The following PDE4D variants were observed in gnomAD, a reference collection of about 807,000 sequenced individuals.
PDE4D encodes phosphodiesterase 4D.
A neutral mutation model predicts 87.4 loss-of-function variants in PDE4D; 24 were observed. That is an observed-to-expected ratio of 0.27 (90% CI 0.20 to 0.39). The LOEUF (loss-of-function observed/expected upper bound fraction) is 0.39. PDE4D is among the 10% of genes least tolerant of loss of function. The pLI is 1.00. For synonymous variants in PDE4D, 384 were observed against 383.2 expected (o/e 1.00, Z -0.02); for missense variants, 714 against 1,041.0 (o/e 0.69, Z 4.32).
At chr5:59,698,306 C>T (rs1327887906) in intron 1 of PDE4D, among the ~76,000 whole-genome samples, 2 of 151,976 alleles carry the variant, frequency 1.3e-5, no homozygotes, top group African/African-American at 2.4e-5. Context: ...GTGTTGAAGG[C>T]GAGGGAAATG....
chr5:60,183,581 A>G (rs965544342), intron 2 of PDE4D, among the ~76,000 whole-genome samples: 15 of 152,198 alleles, frequency 9.9e-5, no homozygotes, highest in Non-Finnish European at 2.1e-4. Context: ...AATTTTCACA[A>G]TGAAAGATGC....
At chr5:59,270,357 T>C (rs1343433652) in intron 1 of PDE4D, among the ~76,000 whole-genome samples, 7 of 152,136 alleles carry the variant, frequency 4.6e-5, no homozygotes. Context: ...GGAAGGAAGA[T>C]TGCATATTTT....
chr5:59,934,464 A>G, intron 3 of PDE4D, among the ~76,000 whole-genome samples: 1 of 152,212 alleles, frequency 6.6e-6, no homozygotes, highest in East Asian at 1.9e-4. Context: ...TGCTTCTGCT[A>G]TAATTGCCCT....
At chr5:59,700,777 A>C (rs298091) in intron 1 of PDE4D, among the ~76,000 whole-genome samples, 1 of 151,856 alleles carries the variant, frequency 6.6e-6, no homozygotes, top group Non-Finnish European at 1.5e-5. Flanking sequence ...TTGCATTCAG[A>C]TCACATGCCA....
intron 11 of PDE4D, 49 bp from the exon 12 acceptor site, chr5:58,977,394 G>C: frequency 6.5e-7 from 1 of 1,543,452 alleles, no homozygotes; most frequent in Non-Finnish European, 8.8e-7. Flanking sequence ...TTTGTGAGAA[G>C]TTTATCTGAT....
chr5:59,343,955 C>T (rs1561998515), intron 1 of PDE4D, among the ~76,000 whole-genome samples: 1 of 151,922 alleles, frequency 6.6e-6, no homozygotes, highest in Non-Finnish European at 1.5e-5. Context: ...TTGAATGCAA[C>T]CTAACAAAAT....
intron 1 of PDE4D, among the ~76,000 whole-genome samples, chr5:60,319,895 TG>T (rs959003287): frequency 6.6e-6 from 1 of 152,174 alleles, no homozygotes; most frequent in Non-Finnish European, 1.5e-5. Flanking sequence ...CTGCCCCTAC[TG>T]GGGGGTACCT....
Position 59,893,267 on chromosome 5 carries a change from C to G in PDE4D, c.356G>C (p.Arg119Pro), listed in dbSNP as rs1277006573. 13 of 1,551,280 alleles carry G rather than the reference C, an allele frequency of 8.4e-6. No individual in the cohort carries two copies. In the African/African-American group the frequency reaches 1.5e-4, roughly 18 times the overall value. ...YSDTERYLYC[R>P]AMDRTSYAVE... Reference sequence around the variant, plus strand: ...CGCGTAGGAGGTGCGGTCCATGGCGCGACAGTACAGGTAGCGCTCGGTGTC... The same window carrying G: ...CGCGTAGGAGGTGCGGTCCATGGCGGGACAGTACAGGTAGCGCTCGGTGTC... The change falls in exon 1 of 15, where the codon CGC (arginine) becomes CCC (proline). Residue 119 changes from arginine to proline, a missense_variant. By Grantham distance (103) the Arg-to-Pro change is moderately radical. This residue lies in a region of PDE4D where 268 missense variants were observed against 272.9 expected (regional missense o/e 0.98). Coordinates refer to ENST00000340635, the MANE Select transcript of PDE4D (RefSeq NM_001104631.2).
intron 2 of PDE4D, among the ~76,000 whole-genome samples, chr5:59,207,417 T>C (rs938572675): frequency 2.0e-5 from 3 of 152,040 alleles, no homozygotes; most frequent in African/African-American, 7.2e-5. Flanking sequence ...TCAGTAATTT[T>C]CAACTATGGG....
chr5:60,520,234 T>A (rs1440398813), intron 1 of PDE4D, among the ~76,000 whole-genome samples: 2 of 152,128 alleles, frequency 1.3e-5, no homozygotes, highest in Non-Finnish European at 2.9e-5. Context: ...CCTTCTCACC[T>A]CCTTTCTCTT....
intron 1 of PDE4D, among the ~76,000 whole-genome samples, chr5:60,511,812 T>A (rs192809195): frequency 6.6e-6 from 1 of 152,126 alleles, no homozygotes; most frequent in East Asian, 1.9e-4. Flanking sequence ...TTTTAAAATA[T>A]CAAATTTTTA....
At chr5:59,733,334 C>T (rs545970515) in intron 1 of PDE4D, among the ~76,000 whole-genome samples, 1 of 152,116 alleles carries the variant, frequency 6.6e-6, no homozygotes, top group African/African-American at 2.4e-5. Context: ...AAATCCTGGA[C>T]AGATATAGGA....
intron 5 of PDE4D, chr5:59,157,499 C>A (rs1780428303): frequency 1.6e-6 from 1 of 618,184 alleles, no homozygotes; most frequent in South Asian, 2.0e-5. Context: ...AAAGAATATT[C>A]ATTTCAAATT....
At chr5:59,601,729 C>G (rs1827534900) in intron 1 of PDE4D, among the ~76,000 whole-genome samples, 1 of 152,028 alleles carries the variant, frequency 6.6e-6, no homozygotes, top group African/African-American at 2.4e-5. Context: ...CGTGCTCAAC[C>G]AAAACTTGAG....
intron 2 of PDE4D, among the ~76,000 whole-genome samples, chr5:60,030,483 A>C (rs1319452161): frequency 6.6e-6 from 1 of 152,136 alleles, no homozygotes; most frequent in East Asian, 1.9e-4. Context: ...AAAAACAAAA[A>C]CAAGAGTTGG....
chr5:60,073,063 T>C (rs569603086), intron 2 of PDE4D, among the ~76,000 whole-genome samples: 1 of 152,268 alleles, frequency 6.6e-6, no homozygotes, highest in Non-Finnish European at 1.5e-5. Flanking sequence ...ATAGGAGTGG[T>C]GAGAAAGGGC....
At chr5:60,286,542 G>A (rs55972938) in intron 1 of PDE4D, among the ~76,000 whole-genome samples, 1 of 152,072 alleles carries the variant, frequency 6.6e-6, no homozygotes, top group African/African-American at 2.4e-5. Context: ...TGATGTGGCC[G>A]CTAAGAGATT....
rs371285569 is a variant in PDE4D, at chr5:59,356,776, C to T, written c.456-140808G>A. On this transcript the variant is annotated intron_variant, in intron 1 of 14. Coordinates refer to ENST00000340635, the MANE Select transcript of PDE4D (RefSeq NM_001104631.2). ...GTAATACCTGTAGGACTTTGAGAAA[C>T]GCAATCTTGATTTGGCTCTTGTAGA... 481 of 1,567,616 alleles carry T rather than the reference C, an allele frequency of 3.1e-4. 2 individuals carry two copies. The Middle Eastern group carries it at 4.3e-3, about 14-fold the overall frequency.
At chr5:59,338,715 T>C (rs1778181789) in intron 1 of PDE4D, among the ~76,000 whole-genome samples, 1 of 152,224 alleles carries the variant, frequency 6.6e-6, no homozygotes, top group African/African-American at 2.4e-5. Flanking sequence ...AAGTATGCAC[T>C]TTCCAAGTTC....
Sources: gnomAD v4.1 joint callset for allele counts (sites outside exome capture counted in the v4.1 genomes callset) on GRCh38, gnomAD v4.1.1 for gene constraint, gnomAD v4.1.1 regional missense constraint, MANE v1.5 for transcripts, NCBI Gene and HGNC (gene_info 2026-07-23, HGNC 2026-07-21) for gene names.